Variants in LCOR observed in about 807,000 individuals in gnomAD.
LCOR encodes the protein ligand dependent nuclear receptor corepressor.
A neutral mutation model predicts 64.4 loss-of-function variants in LCOR; 14 were observed. The ratio of observed to expected loss-of-function variants is 0.22; its 90% CI spans 0.14 to 0.34. The LOEUF is 0.34. LCOR is among the 10% of genes least tolerant of loss of function. LCOR has a pLI of 1.00. For missense variants in LCOR, 1,686 were observed against 1,765.3 expected (o/e 0.96, Z 0.80); for synonymous variants, 643 against 642.5 (o/e 1.00, Z -0.01).
At position 96,991,688 on chromosome 10, in the gene LCOR, A is replaced by G. The variant is rs1848202041; in HGVS notation, c.*6554A>G. On this transcript the variant is annotated 3_prime_UTR_variant, in exon 8 of 8. Transcript: ENST00000421806. ...GACCACACATTCTCTTAAAAATACC[A>G]GCATGTCTGTGGCATCTTGTCAGGA... The G allele has an allele frequency of 6.6e-6, 1 of 152,236 alleles. No individual in the cohort carries two copies. The highest frequency in any genetic ancestry group is 1.5e-5 in the Non-Finnish European group (1 of 68,062). The allele number at this position is 152,236 out of a possible 1,614,324, so 9.4% of individuals were successfully genotyped here. A position where few individuals can be genotyped will look rare whatever the true frequency, so the allele number is the denominator to read the frequency against.
Position 96,957,434 on chromosome 10 carries a change from T to G in LCOR, c.332+5238T>G, listed in dbSNP as rs1847803072. 5 of 985,292 alleles carry G rather than the reference T, an allele frequency of 5.1e-6. No individual in the cohort carries two copies. In the South Asian group the frequency reaches 2.3e-4, roughly 46 times the overall value. The allele number at this position is 985,292 out of a possible 1,614,324, so 61.0% of individuals were successfully genotyped here. A position where few individuals can be genotyped will look rare whatever the true frequency, so the allele number is the denominator to read the frequency against. Reference sequence around the variant, plus strand: ...AAGAATAAGCAAAGCCCATGGAATTTAATTTTTCATTGTGATCAGATTAAA... The same window carrying G: ...AAGAATAAGCAAAGCCCATGGAATTGAATTTTTCATTGTGATCAGATTAAA... On this transcript the variant is annotated intron_variant, in intron 7 of 7. Transcript: ENST00000421806.
chr10:96,920,699 CAT>C lies in LCOR; in HGVS notation c.-184+12957_-184+12958del, dbSNP rs970227560. Among the ~76,000 whole-genome samples the C allele has an allele frequency of 5.2e-4, 63 of 121,366 alleles. 2 individuals carry two copies. Among genetic ancestry groups the C allele is most frequent in the African/African-American group, 1.8e-3 (50 of 28,060 alleles). 79.6% of individuals were successfully genotyped at this position (121,366 alleles called of 152,430 possible). A position where few individuals can be genotyped will look rare whatever the true frequency, so the allele number is the denominator to read the frequency against. ...ATATTCATATATGTGTATATATGTT[CAT>C]ATATGTGTGTATATATGTATATATG... On this transcript the variant is annotated intron_variant, in intron 4 of 7. Transcript: ENST00000421806.
intron 4 of LCOR, among the ~76,000 whole-genome samples, chr10:96,916,587 C>CTATGTATATATA (rs1846950175): frequency 7.2e-6 from 1 of 138,252 alleles, no homozygotes; most frequent in African/African-American, 2.8e-5. Context: ...TATTTAAAGG[C>CTATGTATATATA]TATATATATA....
chr10:96,886,197 A>G (rs574897593), intron 2 of LCOR, among the ~76,000 whole-genome samples: 1 of 152,248 alleles, frequency 6.6e-6, no homozygotes, highest in East Asian at 1.9e-4. Flanking sequence ...GTCATACATC[A>G]TTCTAGTCCT....
At chr10:96,896,346 A>G (rs982578304) in intron 2 of LCOR, among the ~76,000 whole-genome samples, 1 of 152,160 alleles carries the variant, frequency 6.6e-6, no homozygotes, top group Non-Finnish European at 1.5e-5. Flanking sequence ...GGGGGAAAAT[A>G]TGAGAAATTT....
chr10:96,895,342 A>C (rs983909973), intron 2 of LCOR, among the ~76,000 whole-genome samples: 3 of 152,094 alleles, frequency 2.0e-5, no homozygotes, highest in African/African-American at 7.2e-5. Context: ...CTCACATTCC[A>C]CATCGGCACA....
intron 2 of LCOR, among the ~76,000 whole-genome samples, chr10:96,857,618 C>G (rs888353614): frequency 1.2e-4 from 19 of 152,178 alleles, no homozygotes; most frequent in Non-Finnish European, 2.4e-4. Flanking sequence ...CCACAGCATC[C>G]TCCCTTTTAC....
chr10:96,985,036 A>G lies in LCOR; in HGVS notation c.4576A>G (p.Thr1526Ala), dbSNP rs144237649. The change falls in exon 8 of 8, where the codon ACG becomes GCG. Residue 1526 changes from threonine (T) to alanine (A), a missense_variant. By Grantham distance (58) the Thr-to-Ala change is moderately conservative. This residue lies in a region of LCOR where 1,293 missense variants were observed against 1,410.4 expected (regional missense o/e 0.92). Transcript: ENST00000421806. ...TGGAAAGACTCGGGCCAGACCCTCA[A>G]CGAAAACCCCAGAGAGCAGTGCAGC... ...SSGKTRARPS[T>A]KTPESSAAQR... The G allele has an allele frequency of 1.3e-4, 209 of 1,614,224 alleles. 2 individuals carry two copies. The African/African-American group carries it at 2.1e-3, about 16-fold the overall frequency.
intron 4 of LCOR, among the ~76,000 whole-genome samples, chr10:96,939,750 T>G (rs1589669379): frequency 6.6e-6 from 1 of 152,170 alleles, no homozygotes; most frequent in Non-Finnish European, 1.5e-5. Flanking sequence ...GATCACAAGG[T>G]CAGGAGATCG....
intron 4 of LCOR, among the ~76,000 whole-genome samples, chr10:96,924,315 G>C (rs1431537205): frequency 1.3e-5 from 2 of 152,314 alleles, no homozygotes; most frequent in African/African-American, 4.8e-5. Flanking sequence ...TCATCCTCCA[G>C]CCTCAGCCCC....
chr10:96,878,963 ATGT>A (rs1846215300), intron 2 of LCOR, among the ~76,000 whole-genome samples: 1 of 151,898 alleles, frequency 6.6e-6, no homozygotes, highest in Non-Finnish European at 1.5e-5. Flanking sequence ...CACCCAGCTA[ATGT>A]TGTATTTGTT....
chr10:96,931,712 A>G (rs7910351), intron 4 of LCOR, among the ~76,000 whole-genome samples: 3,805 of 152,316 alleles, frequency 0.025, 147 homozygotes, highest in African/African-American at 0.085. Flanking sequence ...GCTGTATACA[A>G]AATTAAATTT....
At chr10:96,938,976 C>T (rs1847400754) in intron 4 of LCOR, among the ~76,000 whole-genome samples, 1 of 152,184 alleles carries the variant, frequency 6.6e-6, no homozygotes. Flanking sequence ...ACCAAAATCC[C>T]AACTGACTTA....
Position 96,865,799 on chromosome 10 carries a change from A to G in LCOR, c.-330+32320A>G, listed in dbSNP as rs1845960991. Among the ~76,000 whole-genome samples the G allele has an allele frequency of 2.0e-5, 3 of 150,366 alleles. No individual in the cohort carries two copies. The South Asian group carries it at 6.3e-4, about 32-fold the overall frequency. ...TGAGGCAGGAGAATTGTTTGAACCC[A>G]GGAGGCAGAGGTTGCAGTGAGCTGA... On this transcript the variant is annotated intron_variant, in intron 2 of 7. Transcript: ENST00000421806.
intron 4 of LCOR, among the ~76,000 whole-genome samples, chr10:96,935,805 A>G (rs901197801): frequency 6.6e-6 from 1 of 152,220 alleles, no homozygotes; most frequent in African/African-American, 2.4e-5. Context: ...ACTGCACTCA[A>G]GCCTGGGCAA....
intron 4 of LCOR, among the ~76,000 whole-genome samples, chr10:96,920,788 A>ACG (rs1564626554): frequency 3.9e-5 from 5 of 127,878 alleles, no homozygotes; most frequent in African/African-American, 1.0e-4. Flanking sequence ...ACACACACAC[A>ACG]CACGCGCGGT....
At chr10:96,932,865 G>C (rs1037481515) in intron 4 of LCOR, among the ~76,000 whole-genome samples, 4 of 152,100 alleles carry the variant, frequency 2.6e-5, no homozygotes, top group African/African-American at 9.7e-5. Flanking sequence ...CTTTTCCTTA[G>C]AAAAAAGTTT....
intron 2 of LCOR, among the ~76,000 whole-genome samples, chr10:96,849,683 A>C (rs1845693598): frequency 6.6e-6 from 1 of 152,150 alleles, no homozygotes; most frequent in South Asian, 2.1e-4. Context: ...CAAAGGGAAA[A>C]AACATCCTCC....
In LCOR at chr10:96,983,190, G is replaced by A. The variant is rs143757087; in HGVS notation, c.2730G>A (p.Gln910=). 1 of 1,614,142 alleles carries A rather than the reference G, an allele frequency of 6.2e-7. No homozygotes were observed. The highest frequency in any genetic ancestry group is 8.5e-7 in the Non-Finnish European group (1 of 1,180,044). ...AAGGCGGGGGGATCATCACCAGGCAGACTTTGAAAAACATGCTGGACAAAG... is the reference window on the plus strand; with the variant it reads ...AAGGCGGGGGGATCATCACCAGGCAAACTTTGAAAAACATGCTGGACAAAG... ...EGEGGGIITR[Q]TLKNMLDKEV... Residue 910 remains glutamine (Q), a synonymous_variant, in exon 8 of 8, where the codon CAG becomes CAA. Coordinates refer to ENST00000421806, the MANE Select transcript of LCOR (RefSeq NM_001346516.2). This position sits in a 1 kb window ranked among gnomAD's most constrained non-coding sequence, Gnocchi z 4.5.
Sources: allele counts gnomAD v4.1 joint callset (sites outside exome capture counted in the v4.1 genomes callset), GRCh38; gene constraint gnomAD v4.1.1; regional missense constraint gnomAD v4.1.1; non-coding constraint Gnocchi (gnomAD v3.1); transcripts MANE v1.5; gene names NCBI Gene and HGNC (gene_info 2026-07-23, HGNC 2026-07-21).